Variants in MTA2 observed in about 807,000 individuals in gnomAD.
The protein encoded by MTA2 is metastasis associated 1 family member 2, also known as metastasis-associated protein MTA2.
MTA2 carries 22 observed loss-of-function variants against 87.1 expected under a neutral mutation model. That is an observed-to-expected ratio of 0.25 (90% confidence interval 0.18 to 0.36). MTA2 has a LOEUF of 0.36. Ranked by LOEUF, MTA2 falls within the 10% of genes least tolerant of loss-of-function variation. The pLI is 1.00. For missense variants in MTA2, 542 were observed against 853.2 expected, an observed-to-expected ratio of 0.64 and a Z score of 4.54; for synonymous variants, 314 against 310.1, an observed-to-expected ratio of 1.01 and a Z score of -0.13.
intron 6 of MTA2, 75 bp downstream of exon 6, chr11:62,597,947 TCA>T (rs1942121682): frequency 7.6e-7 from 1 of 1,323,570 alleles, no homozygotes; most frequent in Non-Finnish European, 1.1e-6. Context: ...GTGACGCCAT[TCA>T]CAGAGACTAT....
At chr11:62,600,068 CCT>C in intron 3 of MTA2, 96 bp downstream of exon 3, 1 of 1,147,262 alleles carries the variant, frequency 8.7e-7, no homozygotes, top group Non-Finnish European at 1.3e-6. Flanking sequence ...CAAACTCACA[CCT>C]CTGCCTTGGG....
chr11:62,593,822 G>A lies in MTA2; in HGVS notation c.*53C>T, dbSNP rs1271847700. ...CACGAAAGGGAAGGGAGGTTTGGGTGCCCTGGGCATCCACCCTCTACCTCT... is the reference window on the plus strand; with the variant it reads ...CACGAAAGGGAAGGGAGGTTTGGGTACCCTGGGCATCCACCCTCTACCTCT... On this transcript the variant is annotated 3_prime_UTR_variant, in exon 18 of 18. Transcript: ENST00000278823. 1.9e-6 allele frequency: 3 copies of A among 1,606,046 alleles called. No individual in the cohort carries two copies. Among genetic ancestry groups the A allele is most frequent in the Non-Finnish European group, 2.6e-6 (3 of 1,174,758 alleles).
At chr11:62,601,387 C>T (rs768261562) in intron 1 of MTA2, 36 bp downstream of exon 1, 2 of 1,607,786 alleles carry the variant, frequency 1.2e-6, no homozygotes, top group South Asian at 1.1e-5. Context: ...CAACCTCTCC[C>T]GCCCCGGGCC....
At chr11:62,600,094 G>A in intron 3 of MTA2, 72 bp downstream of exon 3, 1 of 1,410,086 alleles carries the variant, frequency 7.1e-7, no homozygotes. Context: ...GCTACCAGGG[G>A]AAATACCTGC....
At position 62,594,924 on chromosome 11, in the gene MTA2, TCAGA is replaced by T. The variant is rs1357591837; in HGVS notation, c.1573+53_1573+56del. The T allele has an allele frequency of 3.4e-6, 5 of 1,471,350 alleles. No individual in the cohort carries two copies. In the East Asian group the frequency reaches 1.1e-4, roughly 34 times the overall value. 91.1% of individuals were successfully genotyped at this position (1,471,350 alleles called of 1,614,324 possible). ...AAGAAAAAAAGCAAGGGGAGAGATG[TCAGA>T]CAGGGAAAGGACTGGGAGCCTGATG... is the stretch of plus-strand genomic sequence containing the variant. On this transcript the variant is annotated intron_variant, in intron 15 of 17. Coordinates refer to ENST00000278823, the MANE Select transcript of MTA2 (RefSeq NM_004739.4).
intron 1 of MTA2, 31 bp downstream of exon 1, chr11:62,601,392 C>A (rs1942196107): frequency 2.5e-6 from 4 of 1,608,536 alleles, no homozygotes; most frequent in Non-Finnish European, 3.4e-6. Flanking sequence ...TCTCCCGCCC[C>A]GGGCCCCGTA....
intron 6 of MTA2, 80 bp downstream of exon 6, chr11:62,597,944 C>T: frequency 7.7e-7 from 1 of 1,300,334 alleles, no homozygotes; most frequent in Non-Finnish European, 1.1e-6. Context: ...CAGGTGACGC[C>T]ATTCACAGAG....
chr11:62,598,220 T>C lies in MTA2; in HGVS notation c.373-79A>G, dbSNP rs575093852. 21 of 1,566,884 alleles carry C rather than the reference T, an allele frequency of 1.3e-5. No individual in the cohort carries two copies. In the East Asian group the frequency reaches 4.0e-4, roughly 30 times the overall value. ...GGAGGGAGGTGTATCTGAGTTTCCATGACCGGCAGTCTGGCAACCCTGTAC... is the reference window on the plus strand; with the variant it reads ...GGAGGGAGGTGTATCTGAGTTTCCACGACCGGCAGTCTGGCAACCCTGTAC... On this transcript the variant is annotated intron_variant, in intron 5 of 17. Transcript: ENST00000278823.
chr11:62,601,763 T>C lies in MTA2; in HGVS notation c.-313A>G, dbSNP rs1159878099. 3 of 513,102 alleles carry C rather than the reference T, an allele frequency of 5.8e-6. No homozygotes were observed. The highest frequency in any genetic ancestry group is 4.1e-5 in the Admixed American group (1 of 24,346). 31.8% of individuals were successfully genotyped at this position (513,102 alleles called of 1,614,324 possible). A position where few individuals can be genotyped will look rare whatever the true frequency, so the allele number is the denominator to read the frequency against. ...TACCCCCGCCCCCGCGGAGTCCCAC[T>C]AGTCGTTGGGCTCTGCCGGCCGCAG... On this transcript the variant is annotated 5_prime_UTR_variant, in exon 1 of 18. Coordinates refer to ENST00000278823, the MANE Select transcript of MTA2 (RefSeq NM_004739.4).
chr11:62,598,523 G>T lies in MTA2; in HGVS notation c.307C>A (p.Arg103=), dbSNP rs1302534267. The T allele has an allele frequency of 1.9e-6, 3 of 1,613,634 alleles. No homozygotes were observed. The highest frequency in any genetic ancestry group is 2.5e-6 in the Non-Finnish European group (3 of 1,179,690). The change falls in exon 4 of 18, where the codon CGG becomes AGG. Residue 103 remains arginine (R), a splice_region_variant and synonymous_variant. Coordinates refer to ENST00000278823, the MANE Select transcript of MTA2 (RefSeq NM_004739.4). The part of the protein sequence containing the change: ...QFESLPATHI[R]GKCSVTLLNE... ...ATGCTGGCCCCAGTTGTCCTGTACC[G>T]TATGTGGGTGGCTGGTAATGATTCA...
chr11:62,595,525 G>C lies in MTA2; in HGVS notation c.1255-33C>G. 1.9e-6 allele frequency: 3 copies of C among 1,609,030 alleles called. No individual in the cohort carries two copies. The highest frequency in any genetic ancestry group is 2.6e-6 in the Non-Finnish European group (3 of 1,175,718). ...AAGAGCATAGGAAAGAGAGAGAGCAGAAATCAGCACTGAGGCTCCCTTCTT... is the reference window on the plus strand; with the variant it reads ...AAGAGCATAGGAAAGAGAGAGAGCACAAATCAGCACTGAGGCTCCCTTCTT... On this transcript the variant is annotated intron_variant, in intron 13 of 17. Transcript: ENST00000278823. This position sits in a 1 kb window ranked among gnomAD's most constrained non-coding sequence, Gnocchi z 4.9.
At position 62,601,605 on chromosome 11, in the gene MTA2, C is replaced by T. The variant is rs947805076; in HGVS notation, c.-155G>A. 7.1e-6 allele frequency: 6 copies of T among 839,838 alleles called. No individual in the cohort carries two copies. The African/African-American group carries it at 7.2e-5, about 10-fold the overall frequency. 52.0% of individuals were successfully genotyped at this position (839,838 alleles called of 1,614,324 possible). On this transcript the variant is annotated 5_prime_UTR_variant, in exon 1 of 18. Transcript: ENST00000278823. ...CCGGCACCTCCGCTGCCTCAGCCGT[C>T]GCGGTTCATCCCGGCCCGCGCTGTC...
Position 62,594,999 on chromosome 11 carries a change from T to C in MTA2, c.1555A>G (p.Thr519Ala), listed in dbSNP as rs776973549. The C allele has an allele frequency of 1.9e-6, 3 of 1,614,176 alleles. No individual in the cohort carries two copies. The highest frequency in any genetic ancestry group is 2.5e-6 in the Non-Finnish European group (3 of 1,180,018). The change falls in exon 15 of 18, where the codon ACT becomes GCT. Residue 519 changes from threonine (T) to alanine (A), a missense_variant. Thr to Ala is a moderately conservative substitution (Grantham distance 58, BLOSUM62 0). This residue lies in a region of MTA2 where 269 missense variants were observed against 346.4 expected (regional missense o/e 0.78). Transcript: ENST00000278823. ...CCCATACCCAGATCTTTGACGATAGTTGCCAGGGGCAGCCGCACCAGAGGG... is the reference window on the plus strand; with the variant it reads ...CCCATACCCAGATCTTTGACGATAGCTGCCAGGGGCAGCCGCACCAGAGGG... ...IHPLVRLPLA[T>A]IVKDLVAQAP...
At position 62,593,887 on chromosome 11, in the gene MTA2, G is replaced by C; in HGVS notation, c.1995C>G (p.Val665=). The C allele has an allele frequency of 6.2e-7, 1 of 1,614,162 alleles. No individual in the cohort carries two copies. Among genetic ancestry groups the C allele is most frequent in the Non-Finnish European group, 8.5e-7 (1 of 1,180,030 alleles). The change falls in exon 18 of 18, where the codon GTC becomes GTG. Residue 665 remains valine (V), a synonymous_variant. Transcript: ENST00000278823. The part of the protein sequence containing the change: ...SHPASTNEPI[V]LED ...TCCCCACAGGTGCTCAGTCCTCCAGGACAATAGGCTCATTGGTGCTGGCAG... is the reference window on the plus strand; with the variant it reads ...TCCCCACAGGTGCTCAGTCCTCCAGCACAATAGGCTCATTGGTGCTGGCAG...
In MTA2 at chr11:62,594,541, A is replaced by G. The variant is rs1195584924; in HGVS notation, c.1667T>C (p.Ile556Thr). Residue 556 changes from isoleucine (I) to threonine (T), a missense_variant, in exon 16 of 18, where the codon ATT becomes ACT. Ile to Thr is a moderately conservative substitution (Grantham distance 89). Transcript: ENST00000278823. ...AGTCTCATAGGCCCGTTTCACCATA[A>G]TGCCCCCCAGTCCCCGGTTCTGGGA... Reference protein sequence around the residue: ...QLSQNRGLGGIMVKRAYETMA... With the variant: ...QLSQNRGLGGTMVKRAYETMA... 6.2e-7 allele frequency: 1 copy of G among 1,614,032 alleles called. No homozygotes were observed. The highest frequency in any genetic ancestry group is 8.5e-7 in the Non-Finnish European group (1 of 1,180,004).
rs11231155 is a variant in MTA2 at position 62,598,147 on chromosome 11, A to G, written c.373-6T>C. The G allele has an allele frequency of 0.34, 542,099 of 1,613,246 alleles. 96,528 individuals carry two copies. The highest frequency in any genetic ancestry group is 0.37 in the Non-Finnish European group (441,444 of 1,179,464). ...AGTGAGTAAAAAAAGCAGTCCTGGA[A>G]TTGGGGAGAGACAAGGTAAGCAAGG... On this transcript the variant is annotated splice_polypyrimidine_tract_variant and splice_region_variant and intron_variant, in intron 5 of 17. Coordinates refer to ENST00000278823, the MANE Select transcript of MTA2 (RefSeq NM_004739.4).
chr11:62,598,414 C>T, intron 4 of MTA2, 24 bp from the exon 5 acceptor site: 1 of 1,612,290 alleles, frequency 6.2e-7, no homozygotes, highest in East Asian at 2.2e-5. Flanking sequence ...ATTGGAAAAC[C>T]CCGGTGAGCC....
Position 62,601,430 on chromosome 11 carries a change from C to A in MTA2, c.21G>T (p.Arg7=). Residue 7 remains arginine, a synonymous_variant, in exon 1 of 18, where the codon CGG becomes CGT. Coordinates refer to ENST00000278823, the MANE Select transcript of MTA2 (RefSeq NM_004739.4). The part of the protein sequence containing the change: MAANMY[R]VGDYVYFENS... ...CCTGCGCCCGGTACTCACCTCCCAC[C>A]CGGTACATGTTGGCCGCCATGGCCG... 6.2e-7 allele frequency: 1 copy of A among 1,610,948 alleles called. No homozygotes were observed. The highest frequency in any genetic ancestry group is 1.3e-5 in the African/African-American group (1 of 74,676).
In MTA2 at chr11:62,600,692, G is replaced by GT; in HGVS notation, c.29-4dup. The GT allele has an allele frequency of 6.2e-7, 1 of 1,613,450 alleles. No individual in the cohort carries two copies. On this transcript the variant is annotated splice_polypyrimidine_tract_variant and splice_region_variant and intron_variant, in intron 1 of 17. Coordinates refer to ENST00000278823, the MANE Select transcript of MTA2 (RefSeq NM_004739.4). ...AGAGTTCTCAAAATAGACGTAATCT[G>GT]TAAGGGAAGGGAGGGGGGAGAACCA... is the stretch of plus-strand genomic sequence containing the variant.
Sources: gnomAD v4.1 joint callset for allele counts on GRCh38, gnomAD v4.1.1 for gene constraint, gnomAD v4.1.1 regional missense constraint, Gnocchi (gnomAD v3.1) non-coding constraint, MANE v1.5 for transcripts, NCBI Gene and HGNC (gene_info 2026-07-23, HGNC 2026-07-21) for gene names.